NAP1L2: variants seen among roughly 807,000 people sequenced by gnomAD.
NAP1L2 encodes nucleosome assembly protein 1 like 2.
For missense variants in NAP1L2, 376 were observed against 338.5 expected, an observed-to-expected ratio of 1.11 and a Z score of -0.87; for synonymous variants, 165 against 126.0, an observed-to-expected ratio of 1.31 and a Z score of -2.07.
In NAP1L2 at chrX:73,212,811, C is replaced by T; in HGVS notation, c.*299G>A. The T allele has an allele frequency of 4.6e-6, 1 of 218,761 alleles. No homozygotes were observed. The highest frequency in any genetic ancestry group is 8.2e-6 in the Non-Finnish European group (1 of 121,227). The allele number at this position is 218,761 out of a possible 1,213,427, so 18.0% of individuals were successfully genotyped here. ...TTTTTCCAAACAAATATTGATCTCA[C>T]TTAGCATTTCTGATCATTTCATAGC... is the stretch of plus-strand genomic sequence containing the variant. On this transcript the variant is annotated 3_prime_UTR_variant, in exon 1 of 1. Coordinates refer to ENST00000373517, the MANE Select transcript of NAP1L2 (RefSeq NM_021963.4).
chrX:73,214,199 T>G lies in NAP1L2; in HGVS notation c.294A>C (p.Thr98=). 2.5e-6 allele frequency: 3 copies of G among 1,211,823 alleles called. No individual in the cohort carries two copies. The highest frequency in any genetic ancestry group is 1.8e-5 in the South Asian group (1 of 56,965). The change falls in exon 1 of 1, where the codon ACA becomes ACC. Residue 98 remains threonine, a synonymous_variant. Coordinates refer to ENST00000373517, the MANE Select transcript of NAP1L2 (RefSeq NM_021963.4). ...PKGLIGYVLD[T]DFVESLPVKV... is the part of the protein sequence containing the mutation. ...TCACAGGTAGACTTTCAACAAAGTC[T>G]GTATCTAAAACATAACCGATAAGTC...
rs1361500513 is a variant in NAP1L2, at chrX:73,212,509, A to C, written c.*601T>G. On this transcript the variant is annotated 3_prime_UTR_variant, in exon 1 of 1. Coordinates refer to ENST00000373517, the MANE Select transcript of NAP1L2 (RefSeq NM_021963.4). ...TGTGACTAACACTTCACCGACAAAC[A>C]ATAACCTCAATATAACTAAGTTTCA... 1 of 112,051 alleles carries C rather than the reference A, an allele frequency of 8.9e-6. No homozygotes were observed. The highest frequency in any genetic ancestry group is 1.9e-5 in the Non-Finnish European group (1 of 53,178). The allele number at this position is 112,051 out of a possible 1,213,427, so 9.2% of individuals were successfully genotyped here. A position where few individuals can be genotyped will look rare whatever the true frequency, so the allele number is the denominator to read the frequency against.
chrX:73,213,252 T>G lies in NAP1L2; in HGVS notation c.1241A>C (p.Glu414Ala). ...SVLFFSGDAL[E>A]SQQEGVVREV... ...TCTAACTACCCCCTCCTGCTGAGAT[T>G]CCAGTGCATCACCTGAGAAAAATAA... Residue 414 changes from glutamate to alanine, a missense_variant, in exon 1 of 1, where the codon GAA becomes GCA. Physicochemically the swap from Glu to Ala is moderately radical, Grantham distance 107 (BLOSUM62 -1). Transcript: ENST00000373517. 1 of 1,211,740 alleles carries G rather than the reference T, an allele frequency of 8.3e-7. No homozygotes were observed. Among genetic ancestry groups the G allele is most frequent in the South Asian group, 1.8e-5 (1 of 57,009 alleles).
In NAP1L2 at chrX:73,212,913, T is replaced by C; in HGVS notation, c.*197A>G. ...AACACTATACTAGTGTTTTAAATCA[T>C]TTACCACAGTGTACATTTCTTGAAA... On this transcript the variant is annotated 3_prime_UTR_variant, in exon 1 of 1. Transcript: ENST00000373517. 1 of 411,533 alleles carries C rather than the reference T, an allele frequency of 2.4e-6. No individual in the cohort carries two copies. The allele number at this position is 411,533 out of a possible 1,213,427, so 33.9% of individuals were successfully genotyped here.
chrX:73,213,896 C>T lies in NAP1L2; in HGVS notation c.597G>A (p.Glu199=), dbSNP rs1272516410. The part of the protein sequence containing the change: ...EEGMVHEYVD[E]DDGYEDYYYD... ...AATAATAGTCCTCATAACCATCGTC[C>T]TCATCCACATATTCATGTACCATAC... The change falls in exon 1 of 1, where the codon GAG becomes GAA. Residue 199 remains glutamate (E), a synonymous_variant. Coordinates refer to ENST00000373517, the MANE Select transcript of NAP1L2 (RefSeq NM_021963.4). 1 of 1,208,539 alleles carries T rather than the reference C, an allele frequency of 8.3e-7. No homozygotes were observed.
In NAP1L2 at chrX:73,213,422, T is replaced by A; in HGVS notation, c.1071A>T (p.Thr357=). The change falls in exon 1 of 1, where the codon ACA becomes ACT. Residue 357 remains threonine (T), a synonymous_variant. Transcript: ENST00000373517. ...GAAAATCTTCAGTTACAGTTCGGAT[T>A]GTTCCCCAGATCCGATGTTTCTGTT... ...KKKQKHRIWG[T]IRTVTEDFPK... The A allele has an allele frequency of 1.7e-6, 2 of 1,211,788 alleles. No individual in the cohort carries two copies. The highest frequency in any genetic ancestry group is 2.2e-6 in the Non-Finnish European group (2 of 895,379).
In NAP1L2 at chrX:73,214,216, C is replaced by T. The variant is rs986816497; in HGVS notation, c.277G>A (p.Gly93Ser). 8.3e-7 allele frequency: 1 copy of T among 1,211,457 alleles called. No individual in the cohort carries two copies. The highest frequency in any genetic ancestry group is 1.1e-6 in the Non-Finnish European group (1 of 895,458). ...ACAAAGTCTGTATCTAAAACATAAC[C>T]GATAAGTCCTTTTGGACGGTCTGCC... is the stretch of plus-strand genomic sequence containing the variant. Reference protein sequence around the residue: ...SEADRPKGLIGYVLDTDFVES... With the variant: ...SEADRPKGLISYVLDTDFVES... Residue 93 changes from glycine to serine, a missense_variant, in exon 1 of 1, where the codon GGT becomes AGT. Transcript: ENST00000373517.
Position 73,213,369 on chromosome X carries a change from G to A in NAP1L2, c.1124C>T (p.Ser375Phe). Residue 375 changes from serine to phenylalanine, a missense_variant, in exon 1 of 1, where the codon TCT becomes TTT. Coordinates refer to ENST00000373517, the MANE Select transcript of NAP1L2 (RefSeq NM_021963.4). ...FPKDSFFNFF[S>F]PHGITSNGRD... ...TCCATTTGAGGTGATTCCATGAGGA[G>A]AGAAAAAATTGAAAAATGAATCCTT... is the stretch of plus-strand genomic sequence containing the variant. 1 of 1,211,742 alleles carries A rather than the reference G, an allele frequency of 8.3e-7. No individual in the cohort carries two copies. The highest frequency in any genetic ancestry group is 1.1e-6 in the Non-Finnish European group (1 of 895,464).
chrX:73,213,414 G>A lies in NAP1L2; in HGVS notation c.1079C>T (p.Thr360Ile), dbSNP rs865806995. 8.3e-7 allele frequency: 1 copy of A among 1,211,557 alleles called. No individual in the cohort carries two copies. Among genetic ancestry groups the A allele is most frequent in the African/African-American group, 1.7e-5 (1 of 57,803 alleles). The change falls in exon 1 of 1, where the codon ACT (threonine) becomes ATT (isoleucine). Residue 360 changes from threonine to isoleucine, a missense_variant. Thr to Ile is a moderately conservative substitution (Grantham distance 89). Coordinates refer to ENST00000373517, the MANE Select transcript of NAP1L2 (RefSeq NM_021963.4). ...QKHRIWGTIRTVTEDFPKDSF... is the reference protein window; with the variant it reads ...QKHRIWGTIRIVTEDFPKDSF... ...ATCCTTGGGAAAATCTTCAGTTACA[G>A]TTCGGATTGTTCCCCAGATCCGATG...
In NAP1L2 at chrX:73,213,685, T is replaced by G; in HGVS notation, c.808A>C (p.Thr270Pro). 8.3e-7 allele frequency: 1 copy of G among 1,211,523 alleles called. No homozygotes were observed. Among genetic ancestry groups the G allele is most frequent in the Non-Finnish European group, 1.1e-6 (1 of 895,398 alleles). ...TCTGAAAGCTTAACTTTAATATCTG[T>G]CAGGAGCTTCAGAATAGGCTCATCA... ...KYDEPILKLL[T>P]DIKVKLSDPG... The change falls in exon 1 of 1, where the codon ACA becomes CCA. Residue 270 changes from threonine to proline, a missense_variant. Coordinates refer to ENST00000373517, the MANE Select transcript of NAP1L2 (RefSeq NM_021963.4).
chrX:73,214,656 G>T lies in NAP1L2; in HGVS notation c.-164C>A, dbSNP rs2056149221. 9.0e-6 allele frequency: 5 copies of T among 555,760 alleles called. No homozygotes were observed. The highest frequency in any genetic ancestry group is 1.4e-5 in the Non-Finnish European group (5 of 352,799). 45.8% of individuals were successfully genotyped at this position (555,760 alleles called of 1,213,427 possible). ...TCCAGGCTGCTCGGGGATAAAAGATGGTGCTGAGGCTTTGAGAACCGGACT... is the reference window on the plus strand; with the variant it reads ...TCCAGGCTGCTCGGGGATAAAAGATTGTGCTGAGGCTTTGAGAACCGGACT... On this transcript the variant is annotated 5_prime_UTR_variant, in exon 1 of 1. Coordinates refer to ENST00000373517, the MANE Select transcript of NAP1L2 (RefSeq NM_021963.4).
rs1488398613 is a variant in NAP1L2 at position 73,214,441 on chromosome X, C to A, written c.52G>T (p.Ala18Ser). The A allele has an allele frequency of 1.7e-6, 2 of 1,211,378 alleles. No individual in the cohort carries two copies. Among genetic ancestry groups the A allele is most frequent in the Non-Finnish European group, 1.1e-6 (1 of 895,433 alleles). ...CCTTCCACCATTATCTGATTACCAG[C>A]CTCTTCTTGACTGGATTCTGACAGC... is the stretch of plus-strand genomic sequence containing the variant. Reference protein sequence around the residue: ...KELSESSQEEAGNQIMVEGLG... With the variant: ...KELSESSQEESGNQIMVEGLG... The change falls in exon 1 of 1, where the codon GCT (alanine) becomes TCT (serine). Residue 18 changes from alanine to serine, a missense_variant. Transcript: ENST00000373517.
rs1019666113 is a variant in NAP1L2 at position 73,214,704 on chromosome X, G to C, written c.-212C>G. On this transcript the variant is annotated 5_prime_UTR_variant, in exon 1 of 1. Transcript: ENST00000373517. ...ACTGAAGCAGTGGCGACCTGGGCTGGGTGCAGAGGGCGGCGACGGCTGCGT... is the reference window on the plus strand; with the variant it reads ...ACTGAAGCAGTGGCGACCTGGGCTGCGTGCAGAGGGCGGCGACGGCTGCGT... The C allele has an allele frequency of 2.4e-6, 1 of 415,211 alleles. No individual in the cohort carries two copies. The highest frequency in any genetic ancestry group is 4.2e-6 in the Non-Finnish European group (1 of 238,797). 34.2% of individuals were successfully genotyped at this position (415,211 alleles called of 1,213,427 possible).
rs1333311475 is a variant in NAP1L2, at chrX:73,213,097, T to G, written c.*13A>C. The G allele has an allele frequency of 2.5e-6, 3 of 1,184,934 alleles. No homozygotes were observed. Among genetic ancestry groups the G allele is most frequent in the South Asian group, 1.9e-5 (1 of 51,822 alleles). ...TCTAGGGCAGTTAATTTCAGGGCCA[T>G]GTATACTCTGCTCTAACGATCAATG... is the stretch of plus-strand genomic sequence containing the variant. On this transcript the variant is annotated 3_prime_UTR_variant, in exon 1 of 1. Coordinates refer to ENST00000373517, the MANE Select transcript of NAP1L2 (RefSeq NM_021963.4).
chrX:73,213,407 A>C lies in NAP1L2; in HGVS notation c.1086T>G (p.Thr362=), dbSNP rs778665227. 8.3e-7 allele frequency: 1 copy of C among 1,211,942 alleles called. No individual in the cohort carries two copies. The highest frequency in any genetic ancestry group is 1.8e-5 in the South Asian group (1 of 57,021). The change falls in exon 1 of 1, where the codon ACT becomes ACG. Residue 362 remains threonine (T), a synonymous_variant. Transcript: ENST00000373517. ...AAAATGAATCCTTGGGAAAATCTTC[A>C]GTTACAGTTCGGATTGTTCCCCAGA... The part of the protein sequence containing the change: ...HRIWGTIRTV[T]EDFPKDSFFN...
At position 73,213,257 on chromosome X, in the gene NAP1L2, T is replaced by G. The variant is rs1460486147; in HGVS notation, c.1236A>C (p.Ala412=). Residue 412 remains alanine (A), a synonymous_variant, in exon 1 of 1, where the codon GCA becomes GCC. Coordinates refer to ENST00000373517, the MANE Select transcript of NAP1L2 (RefSeq NM_021963.4). ...PRSVLFFSGD[A]LESQQEGVVR... Reference sequence around the variant, plus strand: ...CTACCCCCTCCTGCTGAGATTCCAGTGCATCACCTGAGAAAAATAATACTG... The same window carrying G: ...CTACCCCCTCCTGCTGAGATTCCAGGGCATCACCTGAGAAAAATAATACTG... 8.3e-7 allele frequency: 1 copy of G among 1,210,218 alleles called. No individual in the cohort carries two copies. Among genetic ancestry groups the G allele is most frequent in the African/African-American group, 1.7e-5 (1 of 57,345 alleles).
chrX:73,214,296 G>A lies in NAP1L2; in HGVS notation c.197C>T (p.Ala66Val), dbSNP rs1295585503. 2.5e-6 allele frequency: 3 copies of A among 1,211,117 alleles called. No homozygotes were observed. The highest frequency in any genetic ancestry group is 3.4e-6 in the Non-Finnish European group (3 of 895,416). ...GEEGENGEDT[A>V]AGSGEDGKKG... ...TTTCCCATCTTCCCCGGACCCAGCA[G>A]CAGTATCTTCACCGTTTTCCCCTTC... The change falls in exon 1 of 1, where the codon GCT (alanine) becomes GTT (valine). Residue 66 changes from alanine (A) to valine (V), a missense_variant. Coordinates refer to ENST00000373517, the MANE Select transcript of NAP1L2 (RefSeq NM_021963.4).
rs997943925 is a variant in NAP1L2 at position 73,214,575 on chromosome X, A to T, written c.-83T>A. 8 of 1,044,974 alleles carry T rather than the reference A, an allele frequency of 7.7e-6. No homozygotes were observed. The highest frequency in any genetic ancestry group is 1.0e-5 in the Non-Finnish European group (8 of 774,361). The allele number at this position is 1,044,974 out of a possible 1,213,427, so 86.1% of individuals were successfully genotyped here. A position where few individuals can be genotyped will look rare whatever the true frequency, so the allele number is the denominator to read the frequency against. On this transcript the variant is annotated 5_prime_UTR_variant, in exon 1 of 1. Transcript: ENST00000373517. ...TCCACAGGAAAAGACTCACCGAAAT[A>T]TCAGAAGCGGCGGTGGTCGGACCTA...
chrX:73,214,414 G>A lies in NAP1L2; in HGVS notation c.79C>T (p.Leu27Phe). ...TCACCGCGCTCCAGATGTTCCCCGA[G>A]CCCTTCCACCATTATCTGATTACCA... ...EAGNQIMVEG[L>F]GEHLERGEDA... Residue 27 changes from leucine (L) to phenylalanine (F), a missense_variant, in exon 1 of 1, where the codon CTC (leucine) becomes TTC (phenylalanine). By Grantham distance (22) the Leu-to-Phe change is conservative. Transcript: ENST00000373517. 8.3e-7 allele frequency: 1 copy of A among 1,211,299 alleles called. No individual in the cohort carries two copies. Among genetic ancestry groups the A allele is most frequent in the Non-Finnish European group, 1.1e-6 (1 of 895,421 alleles).
Sources: gnomAD v4.1 joint callset for allele counts on GRCh38, gnomAD v4.1.1 for gene constraint, MANE v1.5 for transcripts, NCBI Gene and HGNC (gene_info 2026-07-23, HGNC 2026-07-21) for gene names.